Variants in FRMD4A observed in about 807,000 individuals in gnomAD.
The protein encoded by FRMD4A is FERM domain containing 4A.
Under a neutral mutation model 129.1 loss-of-function variants are expected in FRMD4A, and 29 were observed. The ratio of observed to expected loss-of-function variants is 0.22; its 90% CI spans 0.17 to 0.31. The LOEUF (loss-of-function observed/expected upper bound fraction) is 0.31, where lower values mean the gene tolerates loss of function less well. Among genes scored for constraint, FRMD4A ranks in the 10% least tolerant of loss-of-function variants. The probability of loss-of-function intolerance (pLI) is 1.00; values close to 1 mark genes in which losing one functional copy is unlikely to be tolerated. For missense variants in FRMD4A, 1,272 were observed against 1,375.8 expected (o/e 0.92, Z 1.19); for synonymous variants, 634 against 571.6 (o/e 1.11, Z -1.56).
chr10:14,324,365 C>T (rs1055379801), intron 2 of FRMD4A, among the ~76,000 whole-genome samples: 1 of 152,124 alleles, frequency 6.6e-6, no homozygotes, highest in African/African-American at 2.4e-5. Flanking sequence ...TTGGAGGTAA[C>T]AATGACATGA....
rs144635940 is a variant in FRMD4A, at chr10:13,974,729, G to A, written c.46-115817C>T. ...TTTAGTAGAGATGGGGTTTCACCACGTTGGCCAGGCTAGTCTTGAACTCTT... is the reference window on the plus strand; with the variant it reads ...TTTAGTAGAGATGGGGTTTCACCACATTGGCCAGGCTAGTCTTGAACTCTT... On this transcript the variant is annotated intron_variant, in intron 2 of 24. Transcript: ENST00000357447. 6.9e-4 allele frequency among the ~76,000 whole-genome samples: 105 copies of A among 152,164 alleles called. No individual in the cohort carries two copies. In the East Asian group the frequency reaches 0.012, roughly 17 times the overall value.
intron 2 of FRMD4A, among the ~76,000 whole-genome samples, chr10:14,076,417 G>A (rs968294957): frequency 2.0e-5 from 3 of 152,128 alleles, no homozygotes; most frequent in Non-Finnish European, 4.4e-5. Context: ...GAGGCAGGTG[G>A]ATCATGAGGT....
intron 2 of FRMD4A, among the ~76,000 whole-genome samples, chr10:13,985,505 C>T (rs1255319580): frequency 5.3e-5 from 8 of 152,156 alleles, no homozygotes; most frequent in Non-Finnish European, 1.2e-4. Context: ...TCAGGTCAGG[C>T]CTAAGAGCCT....
intron 2 of FRMD4A, among the ~76,000 whole-genome samples, chr10:14,248,204 A>ATGCT (rs1844312467): frequency 5.7e-4 from 1 of 1,748 alleles, no homozygotes; most frequent in Non-Finnish European, 0.015. Flanking sequence ...TAGAAAACTA[A>ATGCT]TCTGCCCAAA....
intron 12 of FRMD4A, among the ~76,000 whole-genome samples, chr10:13,711,333 G>C (rs1166157528): frequency 1.3e-5 from 2 of 152,264 alleles, no homozygotes; most frequent in African/African-American, 4.8e-5. Flanking sequence ...TCAACAAACA[G>C]GAGATGCTCC....
chr10:13,957,559 C>A (rs1302432770), intron 2 of FRMD4A, among the ~76,000 whole-genome samples: 1 of 152,054 alleles, frequency 6.6e-6, no homozygotes, highest in Non-Finnish European at 1.5e-5. Context: ...TCAGCCATAC[C>A]CCTCCTTTTT....
At chr10:14,217,708 G>A (rs1037528372) in intron 2 of FRMD4A, among the ~76,000 whole-genome samples, 1 of 152,164 alleles carries the variant, frequency 6.6e-6, no homozygotes, top group African/African-American at 2.4e-5. Flanking sequence ...CCTAGGCGCT[G>A]GCTCCCAGAC....
At chr10:13,781,345 TAC>T (rs2092728431) in intron 6 of FRMD4A, among the ~76,000 whole-genome samples, 1 of 132,918 alleles carries the variant, frequency 7.5e-6, no homozygotes, top group Non-Finnish European at 1.6e-5. Flanking sequence ...GAAATTCTGA[TAC>T]ACGCTACAAC....
chr10:13,709,128 A>G (rs1299083137), intron 12 of FRMD4A, among the ~76,000 whole-genome samples: 4 of 152,030 alleles, frequency 2.6e-5, no homozygotes, highest in Non-Finnish European at 5.9e-5. Context: ...ACACCTGGAT[A>G]ATTTTTGTAT....
chr10:13,945,421 A>C (rs2095324500), intron 2 of FRMD4A, among the ~76,000 whole-genome samples: 1 of 152,138 alleles, frequency 6.6e-6, no homozygotes, highest in Non-Finnish European at 1.5e-5. Context: ...AGGGGCTTAC[A>C]ACCAGAATGC....
intron 15 of FRMD4A, chr10:13,692,242 G>C (rs1417822416): frequency 7.1e-6 from 1 of 140,132 alleles, no homozygotes; most frequent in Non-Finnish European, 1.5e-5. Context: ...TCTGCCTCCT[G>C]AGTTCAAGTG....
rs2084963880 is a variant in FRMD4A at position 13,685,272 on chromosome 10, TG to T, written c.1117+8625del. ...AAACCAAGCACCTTTTGATGGTGGC[TG>T]GGAGTCTCTGGAAGAGCTTTGCTTT... On this transcript the variant is annotated intron_variant, in intron 15 of 24. Coordinates refer to ENST00000357447, the MANE Select transcript of FRMD4A (RefSeq NM_018027.5). The T allele has an allele frequency of 3.0e-6, 3 of 985,348 alleles. No homozygotes were observed. The South Asian group carries it at 1.4e-4, about 46-fold the overall frequency. The allele number at this position is 985,348 out of a possible 1,614,324, so 61.0% of individuals were successfully genotyped here. A position where few individuals can be genotyped will look rare whatever the true frequency, so the allele number is the denominator to read the frequency against.
chr10:14,056,751 T>A (rs1834552198), intron 2 of FRMD4A, among the ~76,000 whole-genome samples: 1 of 152,214 alleles, frequency 6.6e-6, no homozygotes, highest in South Asian at 2.1e-4. Flanking sequence ...GGCTCTTTCA[T>A]GTGCAAATAG....
At position 13,800,903 on chromosome 10, in the gene FRMD4A, G is replaced by A. The variant is rs374594274; in HGVS notation, c.207-4315C>T. ...TCTGACTGGCAATTCCTTTGTTCCC[G>A]GCCATCTATTGGTTTAACATTTATC... On this transcript the variant is annotated intron_variant, in intron 4 of 24. Coordinates refer to ENST00000357447, the MANE Select transcript of FRMD4A (RefSeq NM_018027.5). Among the ~76,000 whole-genome samples the A allele has an allele frequency of 1.5e-3, 228 of 152,198 alleles. 4 individuals carry two copies. Among genetic ancestry groups the A allele is most frequent in the African/African-American group, 4.9e-3 (203 of 41,510 alleles).
intron 3 of FRMD4A, among the ~76,000 whole-genome samples, chr10:13,825,671 A>G (rs1015266006): frequency 6.6e-6 from 1 of 152,232 alleles, no homozygotes; most frequent in Non-Finnish European, 1.5e-5. Flanking sequence ...AATGCCAGAC[A>G]AAGGGATGAT....
chr10:13,940,979 G>A (rs939097474), intron 2 of FRMD4A, among the ~76,000 whole-genome samples: 3 of 152,182 alleles, frequency 2.0e-5, no homozygotes, highest in African/African-American at 7.2e-5. Flanking sequence ...AGCAGGATGG[G>A]AAGATTCTAA....
rs564538011 is a variant in FRMD4A, at chr10:14,205,454, C to T, written c.45+124604G>A. Among the ~76,000 whole-genome samples, 6 of 152,220 alleles carry T rather than the reference C, an allele frequency of 3.9e-5. No individual in the cohort carries two copies. The East Asian group carries it at 1.2e-3, about 29-fold the overall frequency. ...CCTAACCAGCTTCCTTACTGATCTT[C>T]TGATATTACTGTGAAAGTGGACTAA... On this transcript the variant is annotated intron_variant, in intron 2 of 24. Coordinates refer to ENST00000357447, the MANE Select transcript of FRMD4A (RefSeq NM_018027.5).
intron 2 of FRMD4A, among the ~76,000 whole-genome samples, chr10:14,029,159 C>A (rs748170807): frequency 1.3e-5 from 2 of 151,998 alleles, no homozygotes; most frequent in African/African-American, 2.4e-5. Context: ...TCTCTTTGAA[C>A]CTCAGATGAT....
chr10:14,111,463 G>T (rs375637105), intron 2 of FRMD4A, among the ~76,000 whole-genome samples: 3 of 152,250 alleles, frequency 2.0e-5, no homozygotes, highest in African/African-American at 7.2e-5. Context: ...ATGCCCAGAT[G>T]TTTAGCTCAG....
Sources: gnomAD v4.1 joint callset for allele counts (sites outside exome capture counted in the v4.1 genomes callset) on GRCh38, gnomAD v4.1.1 for gene constraint, MANE v1.5 for transcripts, NCBI Gene and HGNC (gene_info 2026-07-23, HGNC 2026-07-21) for gene names.